The following ARID3A variants were observed in gnomAD, a reference collection of about 807,000 sequenced individuals.
ARID3A encodes the protein AT-rich interaction domain 3A.
Under a neutral mutation model 52.7 loss-of-function variants are expected in ARID3A, and 11 were observed. The observed-to-expected ratio is 0.21, with a 90% CI of 0.13 to 0.35. ARID3A has a LOEUF of 0.35. Ranked by LOEUF, ARID3A falls within the 10% of genes least tolerant of loss-of-function variation. The probability of loss-of-function intolerance (pLI) is 1.00; values close to 1 mark genes in which losing one functional copy is unlikely to be tolerated. For synonymous variants in ARID3A, 404 were observed against 359.4 expected, an observed-to-expected ratio of 1.12 and a Z score of -1.40; for missense variants, 721 against 838.5, an observed-to-expected ratio of 0.86 and a Z score of 1.73.
chr19:926,203 G>C (rs1446281639), intron 1 of ARID3A, 144 bp downstream of exon 1: 1 of 151,174 alleles, frequency 6.6e-6, no homozygotes, highest in Admixed American at 6.6e-5. Flanking sequence ...GCGCGGTAAG[G>C]CTGGGGAGCG....
At position 942,090 on chromosome 19, in the gene ARID3A, C is replaced by T. The variant is rs1028126875; in HGVS notation, c.693+9348C>T. On this transcript the variant is annotated intron_variant, in intron 3 of 8. Coordinates refer to ENST00000263620, the MANE Select transcript of ARID3A (RefSeq NM_005224.3). The surrounding 1 kb of genome is among the most constrained non-coding windows in gnomAD (Gnocchi z 8.1). The stretch of plus-strand genomic sequence containing the variant: ...GGCACAGATCAGCGCCTCCCCTGCC[C>T]GCCATGGGCTCTGGAGCCAGCCTAG... Among the ~76,000 whole-genome samples the T allele has an allele frequency of 1.3e-5, 2 of 152,160 alleles. No homozygotes were observed. The highest frequency in any genetic ancestry group is 2.9e-5 in the Non-Finnish European group (2 of 68,020).
chr19:955,644 T>C (rs1241584690), intron 3 of ARID3A, among the ~76,000 whole-genome samples: 1 of 152,066 alleles, frequency 6.6e-6, no homozygotes, highest in East Asian at 1.9e-4. Context: ...ACACACTCTA[T>C]TTGAGAGATG....
At position 950,595 on chromosome 19, in the gene ARID3A, G is replaced by A. The variant is rs2037785296; in HGVS notation, c.694-9497G>A. On this transcript the variant is annotated intron_variant, in intron 3 of 8. Coordinates refer to ENST00000263620, the MANE Select transcript of ARID3A (RefSeq NM_005224.3). The stretch of plus-strand genomic sequence containing the variant: ...GACCGGCAGGCAGGCAGGGAGTTGG[G>A]CTTTCTTCTGGGAGCAGTAGGGAGC... Among the ~76,000 whole-genome samples the A allele has an allele frequency of 2.6e-5, 4 of 152,324 alleles. No individual in the cohort carries two copies. In the South Asian group the frequency reaches 8.3e-4, roughly 32 times the overall value.
intron 3 of ARID3A, among the ~76,000 whole-genome samples, chr19:957,047 G>A (rs76556317): frequency 6.6e-6 from 1 of 152,302 alleles, no homozygotes; most frequent in South Asian, 2.1e-4. Context: ...ATTGGCCCCC[G>A]CCTGAACTCC....
At chr19:932,842 G>A (rs549450010) in intron 3 of ARID3A, 100 bp downstream of exon 3, 17 of 1,497,496 alleles carry the variant, frequency 1.1e-5, no homozygotes, top group African/African-American at 5.8e-5. Flanking sequence ...TGAGCCGGGC[G>A]TCGAGTTGAG....
Position 960,615 on chromosome 19 carries a change from A to G in ARID3A, c.766+451A>G, listed in dbSNP as rs1836368723. Among the ~76,000 whole-genome samples, 1 of 151,950 alleles carries G rather than the reference A, an allele frequency of 6.6e-6. No individual in the cohort carries two copies. Among genetic ancestry groups the G allele is most frequent in the African/African-American group, 2.4e-5 (1 of 41,340 alleles). ...CCGGCCGCGAGATGGCTTAGAGTCTAATGATCTCATGGCGGCCAATGCGAC... is the reference window on the plus strand; with the variant it reads ...CCGGCCGCGAGATGGCTTAGAGTCTGATGATCTCATGGCGGCCAATGCGAC... On this transcript the variant is annotated intron_variant, in intron 4 of 8. Transcript: ENST00000263620. The surrounding 1 kb of genome is among the most constrained non-coding windows in gnomAD (Gnocchi z 4.3).
rs1401002259 is a variant in ARID3A at position 941,032 on chromosome 19, G to A, written c.693+8290G>A. On this transcript the variant is annotated intron_variant, in intron 3 of 8. Transcript: ENST00000263620. The surrounding 1 kb of genome is among the most constrained non-coding windows in gnomAD (Gnocchi z 6.9). ...CTGGCCCCTGCGCCACCGCCTGGCCGTCGGGTCACCGCCGCGGGGTCACCG... is the reference window on the plus strand; with the variant it reads ...CTGGCCCCTGCGCCACCGCCTGGCCATCGGGTCACCGCCGCGGGGTCACCG... Among the ~76,000 whole-genome samples, 6 of 152,058 alleles carry A rather than the reference G, an allele frequency of 3.9e-5. No homozygotes were observed. Among genetic ancestry groups the A allele is most frequent in the African/African-American group, 9.7e-5 (4 of 41,428 alleles).
At chr19:926,814 A>T (rs972103943) in intron 1 of ARID3A, among the ~76,000 whole-genome samples, 3 of 151,366 alleles carry the variant, frequency 2.0e-5, no homozygotes, top group Non-Finnish European at 4.4e-5. Flanking sequence ...GTCAACTCCA[A>T]CGCTCGGCGC....
intron 3 of ARID3A, among the ~76,000 whole-genome samples, chr19:935,581 G>T (rs374379414): frequency 6.6e-6 from 1 of 152,092 alleles, no homozygotes; most frequent in East Asian, 1.9e-4. Flanking sequence ...GGGTTCAAGC[G>T]ATCCTTCTGC....
chr19:970,955 C>T (rs761667862), intron 8 of ARID3A, among the ~76,000 whole-genome samples: 4 of 151,984 alleles, frequency 2.6e-5, no homozygotes, highest in East Asian at 3.8e-4. Flanking sequence ...CCGTGCCCTC[C>T]GGAAATCAGA....
At chr19:934,267 C>G (rs1182160376) in intron 3 of ARID3A, among the ~76,000 whole-genome samples, 1 of 152,146 alleles carries the variant, frequency 6.6e-6, no homozygotes, top group Non-Finnish European at 1.5e-5. Flanking sequence ...GACCCCCTGA[C>G]CCTGGACACA....
Position 964,498 on chromosome 19 carries a change from C to A in ARID3A, c.950+67C>A. 6.7e-7 allele frequency: 1 copy of A among 1,486,684 alleles called. No individual in the cohort carries two copies. The highest frequency in any genetic ancestry group is 9.0e-7 in the Non-Finnish European group (1 of 1,109,066). The allele number at this position is 1,486,684 out of a possible 1,614,324, so 92.1% of individuals were successfully genotyped here. On this transcript the variant is annotated intron_variant, in intron 5 of 8. Coordinates refer to ENST00000263620, the MANE Select transcript of ARID3A (RefSeq NM_005224.3). This position sits in a 1 kb window ranked among gnomAD's most constrained non-coding sequence, Gnocchi z 5.7. ...CTGAGCAGCCAGTGCAAGGGGCCTG[C>A]AGAAGAGGGAGGGGGTGGTGGGCAG...
chr19:954,833 C>T lies in ARID3A; in HGVS notation c.694-5259C>T, dbSNP rs147560447. On this transcript the variant is annotated intron_variant, in intron 3 of 8. Coordinates refer to ENST00000263620, the MANE Select transcript of ARID3A (RefSeq NM_005224.3). Reference sequence around the variant, plus strand: ...GCGGCCGCTCGGGGCTGATGGGGGGCGGTGGGGGTCTCAGCGGAGGGGCAC... The same window carrying T: ...GCGGCCGCTCGGGGCTGATGGGGGGTGGTGGGGGTCTCAGCGGAGGGGCAC... Among the ~76,000 whole-genome samples the T allele has an allele frequency of 3.2e-3, 344 of 108,910 alleles. 3 individuals are homozygous for T. The highest frequency in any genetic ancestry group is 8.1e-3 in the Middle Eastern group (2 of 248). 71.4% of individuals were successfully genotyped at this position (108,910 alleles called of 152,430 possible).
intron 6 of ARID3A, among the ~76,000 whole-genome samples, chr19:965,842 AT>A (rs1432207747): frequency 6.6e-6 from 1 of 151,472 alleles, no homozygotes; most frequent in Admixed American, 6.6e-5. Context: ...AAATACAAAA[AT>A]TAGCCGGGTG....
chr19:968,342 G>C, intron 7 of ARID3A, 63 bp from the exon 8 acceptor site: 2 of 1,450,148 alleles, frequency 1.4e-6, no homozygotes, highest in Middle Eastern at 1.9e-4. Context: ...CTGGGCAACA[G>C]AGCAAGACTC....
chr19:932,301 G>A (rs966503345), intron 2 of ARID3A, 117 bp from the exon 3 acceptor site: 38 of 1,533,474 alleles, frequency 2.5e-5, no homozygotes, highest in East Asian at 1.2e-4. Context: ...AGCTGGCGGC[G>A]GCCGGCTCTT....
In ARID3A at chr19:960,653, GCCCCT is replaced by G. The variant is rs1718187296; in HGVS notation, c.766+496_766+500del. Among the ~76,000 whole-genome samples, 1 of 152,092 alleles carries G rather than the reference GCCCCT, an allele frequency of 6.6e-6. No homozygotes were observed. The highest frequency in any genetic ancestry group is 6.5e-5 in the Admixed American group (1 of 15,272). Reference sequence around the variant, plus strand: ...CGGCCAATGCGACATTTGAGTCCTGGCCCCTCCCCTCTTCCCACCAGGGCCTCAGT... The same window carrying G: ...CGGCCAATGCGACATTTGAGTCCTGGCCCCTCTTCCCACCAGGGCCTCAGT... On this transcript the variant is annotated intron_variant, in intron 4 of 8. Coordinates refer to ENST00000263620, the MANE Select transcript of ARID3A (RefSeq NM_005224.3). The surrounding 1 kb of genome is among the most constrained non-coding windows in gnomAD (Gnocchi z 4.3).
At chr19:954,836 T>C (rs1252088099) in intron 3 of ARID3A, among the ~76,000 whole-genome samples, 1 of 79,052 alleles carries the variant, frequency 1.3e-5, no homozygotes, top group Non-Finnish European at 2.6e-5. Context: ...TGGGGGGCGG[T>C]GGGGGTCTCA....
rs952044066 is a variant in ARID3A, at chr19:975,371, G to A, written c.*3306G>A. ...CGGGAGGGTGGGCACGGGGCACGGGGGGCAGCTGGGGTCGTTGTTAAGGGT... is the reference window on the plus strand; with the variant it reads ...CGGGAGGGTGGGCACGGGGCACGGGAGGCAGCTGGGGTCGTTGTTAAGGGT... On this transcript the variant is annotated 3_prime_UTR_variant, in exon 9 of 9. Coordinates refer to ENST00000263620, the MANE Select transcript of ARID3A (RefSeq NM_005224.3). 4.3e-5 allele frequency: 10 copies of A among 231,362 alleles called. No homozygotes were observed. The highest frequency in any genetic ancestry group is 1.8e-4 in the African/African-American group (8 of 45,174). 14.3% of individuals were successfully genotyped at this position (231,362 alleles called of 1,614,324 possible).
Sources: allele counts gnomAD v4.1 joint callset (sites outside exome capture counted in the v4.1 genomes callset), GRCh38; gene constraint gnomAD v4.1.1; non-coding constraint Gnocchi (gnomAD v3.1); transcripts MANE v1.5; gene names NCBI Gene and HGNC (gene_info 2026-07-23, HGNC 2026-07-21).